Variants in ST6GAL1 observed in about 807,000 individuals in gnomAD.
The protein encoded by ST6GAL1 is beta-galactoside alpha-2,6-sialyltransferase 1.
Under a neutral mutation model 38.0 loss-of-function variants are expected in ST6GAL1, and 20 were observed. That is an observed-to-expected ratio of 0.53 (90% confidence interval 0.37 to 0.77). The LOEUF is 0.77. ST6GAL1 is among the 30% of genes least tolerant of loss of function. The pLI, the probability that ST6GAL1 is intolerant of heterozygous loss-of-function variation, is 0.00. For missense variants in ST6GAL1, 432 were observed against 496.4 expected (o/e 0.87, Z 1.23); for synonymous variants, 196 against 188.2 (o/e 1.04, Z -0.34).
chr3:186,999,473 A>T (rs142782662), intron 2 of ST6GAL1, among the ~76,000 whole-genome samples: 2 of 148,500 alleles, frequency 1.3e-5, no homozygotes, highest in African/African-American at 5.0e-5. Context: ...GTGCAGTGGC[A>T]CGATCTCGGC....
At chr3:187,022,477 A>T (rs555636015) in intron 2 of ST6GAL1, among the ~76,000 whole-genome samples, 1 of 152,206 alleles carries the variant, frequency 6.6e-6, no homozygotes, top group Admixed American at 6.5e-5. Flanking sequence ...TGAAGTCAGT[A>T]GGAAGGAATG....
intron 1 of ST6GAL1, among the ~76,000 whole-genome samples, chr3:186,962,019 G>C (rs1266454105): frequency 1.3e-5 from 2 of 152,138 alleles, no homozygotes; most frequent in Non-Finnish European, 2.9e-5. Context: ...AGTGACCCTG[G>C]CTCCTGGTGT....
chr3:186,989,445 G>C (rs929549395), intron 2 of ST6GAL1, among the ~76,000 whole-genome samples: 1 of 152,240 alleles, frequency 6.6e-6, no homozygotes, highest in Admixed American at 6.5e-5. Flanking sequence ...TGTGGAAGTA[G>C]ATGCTGGCTG....
intron 1 of ST6GAL1, among the ~76,000 whole-genome samples, chr3:186,941,071 T>G (rs1317307887): frequency 6.6e-6 from 1 of 152,176 alleles, no homozygotes; most frequent in Non-Finnish European, 1.5e-5. Flanking sequence ...GCTGTTTGCA[T>G]GGAAGGTTAT....
At chr3:186,979,627 A>C (rs973369561) in intron 2 of ST6GAL1, among the ~76,000 whole-genome samples, 6 of 152,208 alleles carry the variant, frequency 3.9e-5, no homozygotes, top group African/African-American at 1.4e-4. Context: ...CATCTGCGTA[A>C]TAGCTGCTCC....
At chr3:187,021,750 A>AAT (rs1717311078) in intron 2 of ST6GAL1, 1 of 151,964 alleles carries the variant, frequency 6.6e-6, no homozygotes, top group Non-Finnish European at 1.5e-5. Flanking sequence ...CAAAAAAAAA[A>AAT]AAAAAAAAAA....
intron 5 of ST6GAL1, among the ~76,000 whole-genome samples, chr3:187,055,039 T>G (rs1328825887): frequency 1.3e-5 from 2 of 152,210 alleles, no homozygotes; most frequent in Non-Finnish European, 2.9e-5. Context: ...GGTGTATGTG[T>G]CCAGGAATTT....
chr3:187,000,477 G>C (rs893912172), intron 2 of ST6GAL1, among the ~76,000 whole-genome samples: 1 of 151,998 alleles, frequency 6.6e-6, no homozygotes, highest in African/African-American at 2.4e-5. Context: ...CAGGAGAATC[G>C]CTTGAACCCG....
Position 187,077,022 on chromosome 3 carries a change from C to A in ST6GAL1, c.*1219C>A. The stretch of plus-strand genomic sequence containing the variant: ...TTTTGCTTTAAAAGCATCCTGACCC[C>A]AATTTCTTTGAGCTCACGGGCCTTT... On this transcript the variant is annotated 3_prime_UTR_variant, in exon 8 of 8. Transcript: ENST00000169298. The A allele has an allele frequency of 2.5e-6, 1 of 398,642 alleles. No individual in the cohort carries two copies. Among genetic ancestry groups the A allele is most frequent in the South Asian group, 1.3e-4 (1 of 7,828 alleles). The allele number at this position is 398,642 out of a possible 1,614,324, so 24.7% of individuals were successfully genotyped here. A position where few individuals can be genotyped will look rare whatever the true frequency, so the allele number is the denominator to read the frequency against.
At chr3:186,934,959 G>A (rs1446560889) in intron 1 of ST6GAL1, among the ~76,000 whole-genome samples, 2 of 151,866 alleles carry the variant, frequency 1.3e-5, no homozygotes, top group Non-Finnish European at 2.9e-5. Context: ...TAAAGACGGG[G>A]TTTCACCTTG....
intron 2 of ST6GAL1, among the ~76,000 whole-genome samples, chr3:186,977,059 A>G (rs1159857779): frequency 6.6e-6 from 1 of 152,166 alleles, no homozygotes; most frequent in East Asian, 1.9e-4. Context: ...AGGGCTGGGT[A>G]TAGCAGCTGC....
intron 2 of ST6GAL1, among the ~76,000 whole-genome samples, chr3:186,977,217 G>A (rs923906168): frequency 1.3e-5 from 2 of 152,162 alleles, no homozygotes; most frequent in African/African-American, 4.8e-5. Context: ...TATTCTGTAA[G>A]GAGTGTGACT....
rs200986291 is a variant in ST6GAL1 at position 187,072,961 on chromosome 3, C to T, written c.804+14C>T. 3.1e-4 allele frequency: 489 copies of T among 1,595,426 alleles called. No homozygotes were observed. The highest frequency in any genetic ancestry group is 4.5e-4 in the Admixed American group (27 of 59,962). On this transcript the variant is annotated intron_variant, in intron 6 of 7. Transcript: ENST00000169298. ...GATATCCCAAAGGTAAGTGGGTGTCCGTGGGAAATAGGGGTTGAGTTTCCT... is the reference window on the plus strand; with the variant it reads ...GATATCCCAAAGGTAAGTGGGTGTCTGTGGGAAATAGGGGTTGAGTTTCCT...
chr3:187,072,709 GT>G (rs1719428708), intron 5 of ST6GAL1, 139 bp from the exon 6 acceptor site: 2 of 767,690 alleles, frequency 2.6e-6, no homozygotes, highest in African/African-American at 1.7e-5. Context: ...TTTCACCGAA[GT>G]TAAGTGCTGC....
intron 1 of ST6GAL1, among the ~76,000 whole-genome samples, chr3:186,944,806 G>A (rs907205086): frequency 6.6e-6 from 1 of 152,164 alleles, no homozygotes; most frequent in African/African-American, 2.4e-5. Context: ...GGAGGCACTC[G>A]TCGCTTTTGC....
chr3:187,043,439 T>C (rs1718197286), intron 4 of ST6GAL1, 129 bp downstream of exon 4: 10 of 1,359,606 alleles, frequency 7.4e-6, no homozygotes, highest in East Asian at 2.4e-5. Context: ...GCAGTGTTTT[T>C]TTCAGAGTCA....
rs376053022 is a variant in ST6GAL1, at chr3:187,010,720, C to T, written c.-182-28022C>T. 3.4e-4 allele frequency among the ~76,000 whole-genome samples: 52 copies of T among 152,264 alleles called. 1 individual carries two copies. The highest frequency in any genetic ancestry group is 1.1e-3 in the African/African-American group (47 of 41,554). On this transcript the variant is annotated intron_variant, in intron 2 of 7. Transcript: ENST00000169298. ...CCAGCACATCCAAGAATGCAGTTAA[C>T]TGATAAGATACTGTGGCGAGCAATA... is the stretch of plus-strand genomic sequence containing the variant.
At chr3:186,965,917 G>A (rs894314500) in intron 2 of ST6GAL1, among the ~76,000 whole-genome samples, 2 of 151,918 alleles carry the variant, frequency 1.3e-5, no homozygotes, top group Non-Finnish European at 2.9e-5. Flanking sequence ...TTATTTTTTC[G>A]GGACAGAGTG....
intron 5 of ST6GAL1, among the ~76,000 whole-genome samples, chr3:187,070,424 CT>C (rs34389560): frequency 0.18 from 18,092 of 99,046 alleles, 1,989 homozygotes; most frequent in African/African-American, 0.36. Context: ...AACACTTGCT[CT>C]TTTTTTTTTT....
Sources: gnomAD v4.1 joint callset for allele counts (sites outside exome capture counted in the v4.1 genomes callset) on GRCh38, gnomAD v4.1.1 for gene constraint, MANE v1.5 for transcripts, NCBI Gene and HGNC (gene_info 2026-07-23, HGNC 2026-07-21) for gene names.